The following PRICKLE2 variants were observed in gnomAD, a reference collection of about 807,000 sequenced individuals.
PRICKLE2 encodes the protein prickle planar cell polarity protein 2.
In PRICKLE2, 21 loss-of-function variants were observed where a neutral mutation model predicts 81.4. The observed-to-expected ratio is 0.26, with a 90% CI of 0.18 to 0.37. The LOEUF is 0.37. PRICKLE2 is among the 10% of genes least tolerant of loss of function. The pLI, the probability that PRICKLE2 is intolerant of heterozygous loss-of-function variation, is 1.00. For missense variants in PRICKLE2, 940 were observed against 1,109.0 expected, an observed-to-expected ratio of 0.85 and a Z score of 2.16; for synonymous variants, 456 against 421.5, an observed-to-expected ratio of 1.08 and a Z score of -1.00.
rs186477227 is a variant in PRICKLE2, at chr3:64,256,825, C to A, written c.129-57858G>T. ...CAGCATAACAAAGACACTTAGAATG[C>A]ACTGTCTCCCATGTCTCCCTCCCTA... On this transcript the variant is annotated intron_variant, in intron 2 of 8. Coordinates refer to the PRICKLE2 transcript ENST00000295902. 2.9e-3 allele frequency among the ~76,000 whole-genome samples: 444 copies of A among 152,278 alleles called. 1 individual carries two copies. Among genetic ancestry groups the A allele is most frequent in the Non-Finnish European group, 4.7e-3 (323 of 68,024 alleles).
At chr3:64,195,096 G>C (rs2078425328) in intron 2 of PRICKLE2, among the ~76,000 whole-genome samples, 1 of 152,022 alleles carries the variant, frequency 6.6e-6, no homozygotes, top group Non-Finnish European at 1.5e-5. Flanking sequence ...TCAACTAGGG[G>C]CATATTCCAG....
intron 2 of PRICKLE2, among the ~76,000 whole-genome samples, chr3:64,233,639 C>T (rs545528289): frequency 1.3e-5 from 2 of 152,348 alleles, no homozygotes; most frequent in African/African-American, 4.8e-5. Context: ...ATCTTACTAA[C>T]ATGGCCAAAC....
chr3:64,146,250 T>C (rs2077448366), intron 7 of PRICKLE2: 1 of 158,630 alleles, frequency 6.3e-6, no homozygotes, highest in Non-Finnish European at 1.4e-5. Flanking sequence ...CATTCCTCAC[T>C]TGGCTCCTCC....
intron 2 of PRICKLE2, among the ~76,000 whole-genome samples, chr3:64,177,396 G>A (rs1170306714): frequency 1.3e-5 from 2 of 151,986 alleles, no homozygotes; most frequent in Non-Finnish European, 2.9e-5. Context: ...GCCTCCCAAA[G>A]TGCTGGGATT....
intron 7 of PRICKLE2, chr3:64,104,657 G>A (rs907456116): frequency 6.6e-6 from 1 of 152,134 alleles, no homozygotes; most frequent in Non-Finnish European, 1.5e-5. Flanking sequence ...GCACCCCCTT[G>A]AAAAACAAAA....
intron 2 of PRICKLE2, among the ~76,000 whole-genome samples, chr3:64,254,735 C>A (rs1183342850): frequency 1.3e-5 from 2 of 152,184 alleles, no homozygotes; most frequent in Non-Finnish European, 2.9e-5. Context: ...CTGTTGTAAA[C>A]CCACATGTTT....
chr3:64,138,592 G>A (rs987087685), intron 7 of PRICKLE2, among the ~76,000 whole-genome samples: 2 of 152,200 alleles, frequency 1.3e-5, no homozygotes, highest in African/African-American at 4.8e-5. Flanking sequence ...TGGAACTAAA[G>A]ATCTGTGAAG....
intron 2 of PRICKLE2, among the ~76,000 whole-genome samples, chr3:64,184,614 C>A (rs55723062): frequency 6.6e-6 from 1 of 151,466 alleles, no homozygotes; most frequent in African/African-American, 2.4e-5. Flanking sequence ...GCTGGGGCTA[C>A]AGGCCCACAC....
intron 5 of PRICKLE2, among the ~76,000 whole-genome samples, chr3:64,156,773 C>T (rs927791041): frequency 6.6e-6 from 1 of 152,088 alleles, no homozygotes. Context: ...GAAAATGAAA[C>T]AATTTTAAGA....
At chr3:64,216,848 A>G (rs1559585695) in intron 1 of PRICKLE2, among the ~76,000 whole-genome samples, 1 of 152,194 alleles carries the variant, frequency 6.6e-6, no homozygotes, top group Non-Finnish European at 1.5e-5. Context: ...TGAGGCAGGC[A>G]CTTCGGAGTG....
chr3:64,141,774 C>A, intron 7 of PRICKLE2: 1 of 983,144 alleles, frequency 1.0e-6, no homozygotes, highest in Non-Finnish European at 1.2e-6. Context: ...AGGAAAAATG[C>A]TGCCCACAGA....
In PRICKLE2 at chr3:64,225,006, T is replaced by C. The variant is rs565727328; in HGVS notation, c.-137A>G. 126 of 985,412 alleles carry C rather than the reference T, an allele frequency of 1.3e-4. No individual in the cohort carries two copies. In the African/African-American group the frequency reaches 2.0e-3, roughly 16 times the overall value. The allele number at this position is 985,412 out of a possible 1,614,324, so 61.0% of individuals were successfully genotyped here. A position where few individuals can be genotyped will look rare whatever the true frequency, so the allele number is the denominator to read the frequency against. On this transcript the variant is annotated 5_prime_UTR_variant, in exon 1 of 8. Transcript: ENST00000638394. ...AGTTCACTTTCTCCCTGGATCTGAC[T>C]TCTAAGAACGCAAGCAGGACCTCAG...
intron 2 of PRICKLE2, chr3:64,190,462 C>A (rs1239904003): frequency 6.6e-6 from 1 of 152,130 alleles, no homozygotes; most frequent in African/African-American, 2.4e-5. Flanking sequence ...TGTCTTTACT[C>A]TTCACATAAC....
intron 2 of PRICKLE2, among the ~76,000 whole-genome samples, chr3:64,196,647 CA>C (rs2078459949): frequency 6.6e-6 from 1 of 152,176 alleles, no homozygotes; most frequent in South Asian, 2.1e-4. Flanking sequence ...GAATTGCCTT[CA>C]ATTCTCATGG....
At chr3:64,226,554 C>T (rs1050807479), upstream of PRICKLE2, among the ~76,000 whole-genome samples, 8 of 152,178 alleles carry the variant, frequency 5.3e-5, no homozygotes, top group Non-Finnish European at 7.3e-5. Flanking sequence ...TTTCAAGGGC[C>T]TTATGGGCTA....
At chr3:64,248,918 ACC>A (rs919908696) in intron 2 of PRICKLE2, among the ~76,000 whole-genome samples, 12 of 152,292 alleles carry the variant, frequency 7.9e-5, no homozygotes, top group Admixed American at 2.0e-4. Flanking sequence ...TAAATTCCTT[ACC>A]CAAAGCTGTA....
chr3:64,237,941 C>T (rs2079206952), intron 2 of PRICKLE2, among the ~76,000 whole-genome samples: 1 of 152,110 alleles, frequency 6.6e-6, no homozygotes, highest in Admixed American at 6.5e-5. Flanking sequence ...ACTCTTCCAC[C>T]CCTAGGCTAA....
At chr3:64,118,730 AT>A (rs1174590068) in intron 7 of PRICKLE2, among the ~76,000 whole-genome samples, 1 of 149,688 alleles carries the variant, frequency 6.7e-6, no homozygotes, top group Non-Finnish European at 1.5e-5. Flanking sequence ...GGCAAAAAAA[AT>A]ATGGATTATG....
intron 2 of PRICKLE2, among the ~76,000 whole-genome samples, chr3:64,233,258 G>T (rs1056438190): frequency 6.6e-6 from 1 of 152,090 alleles, no homozygotes; most frequent in Non-Finnish European, 1.5e-5. Context: ...CTCCTACCTG[G>T]TCTATTATTG....
Sources: allele counts gnomAD v4.1 joint callset (sites outside exome capture counted in the v4.1 genomes callset), GRCh38; gene constraint gnomAD v4.1.1; transcripts MANE v1.5; gene names NCBI Gene and HGNC (gene_info 2026-07-23, HGNC 2026-07-21).